Variants in CELF2 observed in about 807,000 individuals in gnomAD.
CELF2 encodes CUGBP Elav-like family member 2.
CELF2 carries 8 observed loss-of-function variants against 62.6 expected under a neutral mutation model. The observed-to-expected ratio is 0.13, with a 90% CI of 0.07 to 0.23. The LOEUF (loss-of-function observed/expected upper bound fraction) is 0.23. Among genes scored for constraint, CELF2 ranks in the 10% least tolerant of loss-of-function variants. CELF2 has a pLI of 1.00. For synonymous variants in CELF2, 258 were observed against 250.0 expected, an observed-to-expected ratio of 1.03 and a Z score of -0.30; for missense variants, 333 against 671.0, an observed-to-expected ratio of 0.50 and a Z score of 5.56.
At chr10:10,772,162 G>GAA in the CELF2 span, among the ~76,000 whole-genome samples, 1 of 148,198 alleles carries the variant, frequency 6.7e-6, no homozygotes, top group Admixed American at 6.7e-5. Flanking sequence ...TTATATTCAA[G>GAA]AAAAAAAAAA....
intron 2 of CELF2, among the ~76,000 whole-genome samples, chr10:10,980,983 ACGT>A (rs2052023266): frequency 6.6e-6 from 1 of 152,136 alleles, no homozygotes; most frequent in Non-Finnish European, 1.5e-5. Context: ...TAATTTGTGT[ACGT>A]CTACACTTTT....
At chr10:11,051,649 G>A (rs926626160) in intron 1 of CELF2, among the ~76,000 whole-genome samples, 1 of 152,198 alleles carries the variant, frequency 6.6e-6, no homozygotes, top group African/African-American at 2.4e-5. Flanking sequence ...TTGAGAGGGA[G>A]ACAGATGTTA....
chr10:11,057,140 C>G (rs889701780), intron 1 of CELF2, among the ~76,000 whole-genome samples: 11 of 152,160 alleles, frequency 7.2e-5, no homozygotes, highest in Non-Finnish European at 1.0e-4. Flanking sequence ...AAATCAACCT[C>G]CAGAGGCAGC....
At chr10:10,688,673 G>T in the CELF2 span, among the ~76,000 whole-genome samples, 8 of 152,028 alleles carry the variant, frequency 5.3e-5, no homozygotes, top group Non-Finnish European at 8.8e-5. Context: ...AAACCAACTC[G>T]TGATGATATA....
rs1050230200 is a variant in CELF2 at position 11,243,891 on chromosome 10, G to A, written c.355-5262G>A. On this transcript the variant is annotated intron_variant, in intron 3 of 12. Coordinates refer to ENST00000633077, the MANE Select transcript of CELF2 (RefSeq NM_001326342.2). The surrounding 1 kb of genome is among the most constrained non-coding windows in gnomAD (Gnocchi z 4.1). Reference sequence around the variant, plus strand: ...CTCCTTGCAAAAATTCTGGAAGATCGTGTACTCCCTTGTCATAGACAGAGG... The same window carrying A: ...CTCCTTGCAAAAATTCTGGAAGATCATGTACTCCCTTGTCATAGACAGAGG... Among the ~76,000 whole-genome samples, 2 of 152,214 alleles carry A rather than the reference G, an allele frequency of 1.3e-5. No individual in the cohort carries two copies. Among genetic ancestry groups the A allele is most frequent in the Non-Finnish European group, 2.9e-5 (2 of 68,032 alleles).
intron 1 of CELF2, among the ~76,000 whole-genome samples, chr10:11,129,652 A>G (rs2059310844): frequency 1.3e-5 from 2 of 152,072 alleles, no homozygotes; most frequent in African/African-American, 4.8e-5. Flanking sequence ...TAGATTTTCT[A>G]GTTTGTTTGT....
chr10:11,294,735 A>G (rs959721881), intron 9 of CELF2, among the ~76,000 whole-genome samples: 2 of 151,910 alleles, frequency 1.3e-5, no homozygotes, highest in Admixed American at 1.3e-4. Context: ...AGATGGTGAA[A>G]CCCAGTCTCG....
rs1421106484 is a variant in CELF2, at chr10:11,117,224, G to A, written c.75-48262G>A. The stretch of plus-strand genomic sequence containing the variant: ...TTTAGGCTCATTAAAGGATTTAGTT[G>A]AATGCCAAATGTGTGGACTTAGAAG... On this transcript the variant is annotated intron_variant, in intron 1 of 12. Coordinates refer to ENST00000633077, the MANE Select transcript of CELF2 (RefSeq NM_001326342.2). This position sits in a 1 kb window ranked among gnomAD's most constrained non-coding sequence, Gnocchi z 4.1. Among the ~76,000 whole-genome samples, 1 of 152,180 alleles carries A rather than the reference G, an allele frequency of 6.6e-6. No individual in the cohort carries two copies. Among genetic ancestry groups the A allele is most frequent in the African/African-American group, 2.4e-5 (1 of 41,442 alleles).
At chr10:11,019,624 G>T (rs1268826536) in intron 1 of CELF2, among the ~76,000 whole-genome samples, 1 of 152,156 alleles carries the variant, frequency 6.6e-6, no homozygotes, top group Non-Finnish European at 1.5e-5. Flanking sequence ...GGAGGGGGAT[G>T]ATAGAATCTG....
At chr10:10,741,696 T>C in the CELF2 span, among the ~76,000 whole-genome samples, 2 of 152,104 alleles carry the variant, frequency 1.3e-5, no homozygotes, top group African/African-American at 4.8e-5. Context: ...TATGCCTTAT[T>C]ATTAGTGAGG....
chr10:10,486,444 A>G, the CELF2 span, among the ~76,000 whole-genome samples: 2 of 152,222 alleles, frequency 1.3e-5, no homozygotes, highest in Admixed American at 6.5e-5. Context: ...GTCTTCATAC[A>G]AAAGTAACTT....
At chr10:10,959,594 T>C (rs2049270396) in intron 2 of CELF2, among the ~76,000 whole-genome samples, 1 of 152,226 alleles carries the variant, frequency 6.6e-6, no homozygotes, top group South Asian at 2.1e-4. Flanking sequence ...ATGGCAGGGA[T>C]GTTCTTGAAT....
the CELF2 span, among the ~76,000 whole-genome samples, chr10:10,595,315 C>T: frequency 5.9e-5 from 9 of 151,878 alleles, no homozygotes; most frequent in South Asian, 2.1e-4. Flanking sequence ...ACCACAGTCA[C>T]GGGTAATAGA....
chr10:11,276,696 C>T (rs555116856), intron 8 of CELF2, among the ~76,000 whole-genome samples: 1 of 152,320 alleles, frequency 6.6e-6, no homozygotes, highest in African/African-American at 2.4e-5. Context: ...GGCTTTCCTA[C>T]CCCCACAGTT....
Position 11,328,501 on chromosome 10 carries a change from C to T in CELF2, c.1439-425C>T, listed in dbSNP as rs907412663. The stretch of plus-strand genomic sequence containing the variant: ...CTGTTGGCCTCACCTGGCTGGGACA[C>T]GTGAGCCCCTAGGGGCCCCCACAGC... On this transcript the variant is annotated intron_variant, in intron 12 of 12. Transcript: ENST00000633077. The surrounding 1 kb of genome is among the most constrained non-coding windows in gnomAD (Gnocchi z 6.4). 4.6e-5 allele frequency among the ~76,000 whole-genome samples: 7 copies of T among 152,306 alleles called. No homozygotes were observed. The highest frequency in any genetic ancestry group is 1.9e-4 in the East Asian group (1 of 5,180).
intron 7 of CELF2, 78 bp from the exon 8 acceptor site, chr10:11,274,979 C>G (rs1297899304): frequency 3.6e-6 from 5 of 1,373,140 alleles, no homozygotes; most frequent in African/African-American, 1.4e-5. Flanking sequence ...GCAGAGTAAA[C>G]TGAATTTGTC....
chr10:10,803,412 G>A (rs2054871558), intron 1 of CELF2, among the ~76,000 whole-genome samples: 1 of 152,118 alleles, frequency 6.6e-6, no homozygotes, highest in Admixed American at 6.5e-5. Context: ...TCTCAGTTAT[G>A]CAGCCAGGCT....
chr10:10,501,108 A>C, the CELF2 span, among the ~76,000 whole-genome samples: 1 of 152,214 alleles, frequency 6.6e-6, no homozygotes, highest in Non-Finnish European at 1.5e-5. Flanking sequence ...TTGTGTGAAC[A>C]TAGTTGTCAT....
rs754525882 is a variant in CELF2, at chr10:11,039,209, G to A, written c.74+21046G>A. Among the ~76,000 whole-genome samples the A allele has an allele frequency of 1.2e-4, 18 of 152,150 alleles. No homozygotes were observed. The highest frequency in any genetic ancestry group is 2.1e-4 in the South Asian group (1 of 4,828). ...GTGAGCCTTCTGCCCACAACACTTC[G>A]TGCCCTGTATGGCACAGAGTGGGTC... On this transcript the variant is annotated intron_variant, in intron 1 of 12. Coordinates refer to ENST00000633077, the MANE Select transcript of CELF2 (RefSeq NM_001326342.2). This position sits in a 1 kb window ranked among gnomAD's most constrained non-coding sequence, Gnocchi z 4.1.
Sources: allele counts gnomAD v4.1 joint callset (sites outside exome capture counted in the v4.1 genomes callset), GRCh38; gene constraint gnomAD v4.1.1; non-coding constraint Gnocchi (gnomAD v3.1); transcripts MANE v1.5; gene names NCBI Gene and HGNC (gene_info 2026-07-23, HGNC 2026-07-21).